GPHN: variants seen among roughly 807,000 people sequenced by gnomAD.
The protein encoded by GPHN is gephyrin.
A neutral mutation model predicts 95.5 loss-of-function variants in GPHN; 17 were observed. The ratio of observed to expected loss-of-function variants is 0.18; its 90% CI spans 0.12 to 0.27. GPHN has a LOEUF of 0.27. GPHN is among the 10% of genes least tolerant of loss of function. The probability of loss-of-function intolerance (pLI) is 1.00; values close to 1 mark genes in which losing one functional copy is unlikely to be tolerated. For missense variants in GPHN, 660 were observed against 978.1 expected, an observed-to-expected ratio of 0.67 and a Z score of 4.34; for synonymous variants, 320 against 322.5, an observed-to-expected ratio of 0.99 and a Z score of 0.08.
At chr14:67,600,178 T>C in the GPHN span, 3 of 1,586,216 alleles carry the variant, frequency 1.9e-6, no homozygotes, top group South Asian at 1.1e-5. Flanking sequence ...GCCGCAGATA[T>C]CCGAAAAGCT....
At chr14:66,952,418 T>G (rs2068163870) in intron 8 of GPHN, among the ~76,000 whole-genome samples, 1 of 152,214 alleles carries the variant, frequency 6.6e-6, no homozygotes, top group Admixed American at 6.5e-5. Flanking sequence ...TGCATTTAGT[T>G]TATCCATTTA....
chr14:67,532,318 T>C, the GPHN span, among the ~76,000 whole-genome samples: 8 of 152,346 alleles, frequency 5.3e-5, no homozygotes, highest in South Asian at 1.7e-3. Flanking sequence ...ATTTTGCTTC[T>C]GTTCAGTCCT....
the GPHN span, chr14:67,616,388 A>G: frequency 6.6e-6 from 1 of 152,478 alleles, no homozygotes; most frequent in Non-Finnish European, 1.5e-5. Context: ...CAAATTAGTT[A>G]TATATGGGAT....
intron 12 of GPHN, among the ~76,000 whole-genome samples, chr14:67,097,232 C>T (rs968903361): frequency 1.3e-5 from 2 of 152,098 alleles, no homozygotes; most frequent in Non-Finnish European, 2.9e-5. Flanking sequence ...TCAGATATGA[C>T]TTCACAGAGA....
intron 4 of GPHN, among the ~76,000 whole-genome samples, chr14:66,835,711 C>CA (rs1320630521): frequency 6.6e-6 from 1 of 151,994 alleles, no homozygotes; most frequent in Non-Finnish European, 1.5e-5. Flanking sequence ...TGTCTCAGCC[C>CA]AAAATCTCCT....
chr14:66,801,413 G>C (rs963321049), intron 3 of GPHN, among the ~76,000 whole-genome samples: 1 of 152,112 alleles, frequency 6.6e-6, no homozygotes, highest in Non-Finnish European at 1.5e-5. Context: ...GCCCAGTAAC[G>C]CTGAGATTCT....
chr14:67,218,182 G>T, the GPHN span, among the ~76,000 whole-genome samples: 1 of 152,196 alleles, frequency 6.6e-6, no homozygotes, highest in Non-Finnish European at 1.5e-5. Flanking sequence ...CCAACCTGAG[G>T]TCTGGCTTGC....
the GPHN span, among the ~76,000 whole-genome samples, chr14:67,218,824 G>A: frequency 2.0e-5 from 3 of 152,038 alleles, no homozygotes; most frequent in Non-Finnish European, 4.4e-5. Flanking sequence ...GCTGACTCAA[G>A]GGTGGGTTTT....
intron 10 of GPHN, among the ~76,000 whole-genome samples, chr14:67,044,791 T>TTCTCTCTGTC (rs752388050): frequency 1.3e-5 from 2 of 151,336 alleles, no homozygotes; most frequent in Non-Finnish European, 3.0e-5. Flanking sequence ...CTCTCTGTCT[T>TTCTCTCTGTC]TCTCTCTGTC....
the GPHN span, chr14:67,729,260 T>A: frequency 6.2e-7 from 1 of 1,607,948 alleles, no homozygotes. Context: ...CACTCCTCCC[T>A]GCTCTGCCTG....
At chr14:66,736,958 T>G (rs1347322257) in intron 2 of GPHN, among the ~76,000 whole-genome samples, 1 of 152,200 alleles carries the variant, frequency 6.6e-6, no homozygotes, top group East Asian at 1.9e-4. Flanking sequence ...TCCTTTCATC[T>G]GTATCTGATC....
At chr14:67,550,467 G>T in the GPHN span, among the ~76,000 whole-genome samples, 3 of 152,332 alleles carry the variant, frequency 2.0e-5, no homozygotes, top group Middle Eastern at 6.8e-3. Context: ...TGGATTACAG[G>T]CGTGCACCAC....
At chr14:67,191,802 C>T in the GPHN span, among the ~76,000 whole-genome samples, 2 of 152,164 alleles carry the variant, frequency 1.3e-5, no homozygotes, top group Non-Finnish European at 2.9e-5. Flanking sequence ...GAAGAACTAG[C>T]GTTGGTTTCC....
chr14:66,720,904 T>G (rs1462968306), intron 2 of GPHN, among the ~76,000 whole-genome samples: 2 of 152,166 alleles, frequency 1.3e-5, no homozygotes, highest in Non-Finnish European at 2.9e-5. Flanking sequence ...CACATTGCGG[T>G]AAACTATAAA....
At chr14:67,563,490 A>G in the GPHN span, among the ~76,000 whole-genome samples, 10 of 151,066 alleles carry the variant, frequency 6.6e-5, no homozygotes, top group Non-Finnish European at 1.3e-4. Flanking sequence ...CTGGAGTGCA[A>G]TAGCATGATC....
At chr14:66,904,429 G>C (rs1436034716) in intron 5 of GPHN, among the ~76,000 whole-genome samples, 2 of 152,144 alleles carry the variant, frequency 1.3e-5, no homozygotes, top group Non-Finnish European at 2.9e-5. Context: ...AGCGGTGATT[G>C]GTGCGTTTTT....
At chr14:67,034,433 A>G (rs961427186) in intron 10 of GPHN, among the ~76,000 whole-genome samples, 1 of 152,174 alleles carries the variant, frequency 6.6e-6, no homozygotes, top group Non-Finnish European at 1.5e-5. Flanking sequence ...AGAAAACAAC[A>G]TGTGCCAATA....
At chr14:67,635,027 C>T in the GPHN span, among the ~76,000 whole-genome samples, 1 of 152,136 alleles carries the variant, frequency 6.6e-6, no homozygotes, top group South Asian at 2.1e-4. Flanking sequence ...GGTGGATCGC[C>T]TGAGGCCAGG....
chr14:67,568,792 A>G, the GPHN span, among the ~76,000 whole-genome samples: 62 of 152,254 alleles, frequency 4.1e-4, no homozygotes, highest in African/African-American at 1.5e-3. Context: ...GATTCAGAGC[A>G]ACAGTTTACT....
Sources: allele counts gnomAD v4.1 joint callset (sites outside exome capture counted in the v4.1 genomes callset), GRCh38; gene constraint gnomAD v4.1.1; transcripts MANE v1.5; gene names NCBI Gene and HGNC (gene_info 2026-07-23, HGNC 2026-07-21).